Variants in GLIS3 observed in about 807,000 individuals in gnomAD.
The protein encoded by GLIS3 is zinc finger protein GLIS3.
Under a neutral mutation model 78.6 loss-of-function variants are expected in GLIS3, and 53 were observed. The ratio of observed to expected loss-of-function variants is 0.67; its 90% CI spans 0.54 to 0.85. The LOEUF (loss-of-function observed/expected upper bound fraction) is 0.85, where lower values mean the gene tolerates loss of function less well. Ranked by LOEUF, GLIS3 falls within the 40% of genes least tolerant of loss-of-function variation. GLIS3 has a pLI of 0.00. For missense variants in GLIS3, 1,703 were observed against 1,231.1 expected (o/e 1.38, Z -5.74); for synonymous variants, 684 against 509.9 (o/e 1.34, Z -4.60).
intron 4 of GLIS3, among the ~76,000 whole-genome samples, chr9:4,045,270 C>T (rs1279265528): frequency 2.0e-5 from 3 of 152,112 alleles, no homozygotes; most frequent in African/African-American, 4.8e-5. Context: ...ACACACTGGA[C>T]CTTGTGGATT....
chr9:3,993,505 G>A (rs1475317494), intron 4 of GLIS3, among the ~76,000 whole-genome samples: 2 of 152,138 alleles, frequency 1.3e-5, no homozygotes, highest in Non-Finnish European at 2.9e-5. Flanking sequence ...TACATTTCAT[G>A]TATATGTAAA....
At chr9:3,961,979 C>T (rs770162242) in intron 4 of GLIS3, among the ~76,000 whole-genome samples, 16 of 151,996 alleles carry the variant, frequency 1.1e-4, no homozygotes, top group South Asian at 2.1e-4. Flanking sequence ...CCGAGGCAGG[C>T]GGATTGCTTG....
At chr9:4,398,218 AT>A in the GLIS3 span, among the ~76,000 whole-genome samples, 5 of 151,548 alleles carry the variant, frequency 3.3e-5, no homozygotes, top group African/African-American at 1.2e-4. Flanking sequence ...GCTGAGGCAT[AT>A]TTTTTTTAAT....
At chr9:4,203,604 G>A (rs1342524829) in intron 2 of GLIS3, among the ~76,000 whole-genome samples, 1 of 152,168 alleles carries the variant, frequency 6.6e-6, no homozygotes, top group African/African-American at 2.4e-5. Context: ...CTGGATCTGG[G>A]TATATATCCA....
At chr9:4,158,867 G>C (rs993813527) in intron 2 of GLIS3, among the ~76,000 whole-genome samples, 4 of 152,112 alleles carry the variant, frequency 2.6e-5, no homozygotes, top group African/African-American at 9.7e-5. Flanking sequence ...TCTGAACTGA[G>C]TGGCAGAAAA....
At chr9:4,244,356 T>C (rs1367133719) in intron 2 of GLIS3, among the ~76,000 whole-genome samples, 1 of 152,232 alleles carries the variant, frequency 6.6e-6, no homozygotes, top group Non-Finnish European at 1.5e-5. Context: ...AGTCATTGTG[T>C]TTGTTCCCAA....
chr9:4,176,318 T>C (rs536090010), intron 2 of GLIS3, among the ~76,000 whole-genome samples: 1 of 152,314 alleles, frequency 6.6e-6, no homozygotes, highest in South Asian at 2.1e-4. Context: ...CCAGAGATAA[T>C]CATAGTGTTT....
intron 9 of GLIS3, among the ~76,000 whole-genome samples, chr9:3,847,070 G>A (rs1460132714): frequency 6.6e-6 from 1 of 152,156 alleles, no homozygotes; most frequent in African/African-American, 2.4e-5. Flanking sequence ...TGTAATCTCA[G>A]GTACTCGGGA....
At chr9:4,027,724 A>G (rs1352645858) in intron 4 of GLIS3, among the ~76,000 whole-genome samples, 1 of 152,206 alleles carries the variant, frequency 6.6e-6, no homozygotes, top group Non-Finnish European at 1.5e-5. Context: ...GCTCTCTAGA[A>G]TCCTGTTCTA....
the GLIS3 span, among the ~76,000 whole-genome samples, chr9:4,355,393 G>T: frequency 6.6e-6 from 1 of 152,148 alleles, no homozygotes; most frequent in Non-Finnish European, 1.5e-5. Context: ...CTGATATCTT[G>T]TAGGTGCCCA....
chr9:4,265,764 A>G (rs1268682812), intron 2 of GLIS3, among the ~76,000 whole-genome samples: 1 of 152,234 alleles, frequency 6.6e-6, no homozygotes, highest in Non-Finnish European at 1.5e-5. Flanking sequence ...GTGCCATTTC[A>G]TCATCATATT....
chr9:3,991,360 A>T (rs542856276), intron 4 of GLIS3, among the ~76,000 whole-genome samples: 1 of 152,326 alleles, frequency 6.6e-6, no homozygotes, highest in African/African-American at 2.4e-5. Context: ...TTCACAGCAG[A>T]TGTCACTGGG....
chr9:4,140,901 C>T (rs755928300), intron 2 of GLIS3, among the ~76,000 whole-genome samples: 91 of 151,856 alleles, frequency 6.0e-4, no homozygotes, highest in Non-Finnish European at 1.0e-3. Context: ...TGGGTTCAAG[C>T]GATTCTCCTG....
intron 2 of GLIS3, among the ~76,000 whole-genome samples, chr9:4,264,951 G>C (rs1292249089): frequency 6.6e-6 from 1 of 151,888 alleles, no homozygotes; most frequent in Non-Finnish European, 1.5e-5. Flanking sequence ...TGGATCACGA[G>C]GTCAGGAGAT....
intron 4 of GLIS3, among the ~76,000 whole-genome samples, chr9:3,999,231 C>A (rs1294961109): frequency 6.6e-6 from 1 of 152,138 alleles, no homozygotes; most frequent in Non-Finnish European, 1.5e-5. Flanking sequence ...AAGACTACTA[C>A]AACAAATAAC....
chr9:3,991,907 G>A (rs1335576117), intron 4 of GLIS3, among the ~76,000 whole-genome samples: 1 of 152,010 alleles, frequency 6.6e-6, no homozygotes, highest in Admixed American at 6.6e-5. Flanking sequence ...GGCCAGGACA[G>A]TCTTGATCTC....
intron 2 of GLIS3, among the ~76,000 whole-genome samples, chr9:4,127,501 A>T (rs1054696130): frequency 1.3e-5 from 2 of 152,178 alleles, no homozygotes; most frequent in African/African-American, 4.8e-5. Flanking sequence ...GTAACTCATA[A>T]AGCACTGTAT....
At position 3,827,027 on chromosome 9, in the gene GLIS3, A is replaced by G. The variant is rs1490468866; in HGVS notation, c.*1245T>C. The G allele has an allele frequency of 6.6e-6, 1 of 152,174 alleles. No homozygotes were observed. Among genetic ancestry groups the G allele is most frequent in the African/African-American group, 2.4e-5 (1 of 41,426 alleles). 9.4% of individuals were successfully genotyped at this position (152,174 alleles called of 1,614,324 possible). A position where few individuals can be genotyped will look rare whatever the true frequency, so the allele number is the denominator to read the frequency against. ...GAAAATTCCAGGCCTTCAAACTGGAACTCAGAAAAAGAATTGCCTCTTTCT... is the reference window on the plus strand; with the variant it reads ...GAAAATTCCAGGCCTTCAAACTGGAGCTCAGAAAAAGAATTGCCTCTTTCT... On this transcript the variant is annotated 3_prime_UTR_variant, in exon 11 of 11. Coordinates refer to ENST00000381971, the MANE Select transcript of GLIS3 (RefSeq NM_001042413.2).
intron 4 of GLIS3, among the ~76,000 whole-genome samples, chr9:4,012,542 G>C (rs1192797380): frequency 1.3e-5 from 2 of 152,092 alleles, no homozygotes; most frequent in Non-Finnish European, 2.9e-5. Context: ...GTGCTTTTTA[G>C]ATATTCAAGC....
Sources: allele counts gnomAD v4.1 joint callset (sites outside exome capture counted in the v4.1 genomes callset), GRCh38; gene constraint gnomAD v4.1.1; transcripts MANE v1.5; gene names NCBI Gene and HGNC (gene_info 2026-07-23, HGNC 2026-07-21).